Variants in ARHGAP18 observed in about 807,000 individuals in gnomAD.
ARHGAP18 encodes the protein rho GTPase-activating protein 18.
Under a neutral mutation model 86.2 loss-of-function variants are expected in ARHGAP18, and 67 were observed. That is an observed-to-expected ratio of 0.78 (90% CI 0.64 to 0.95). The LOEUF (loss-of-function observed/expected upper bound fraction) is 0.95. ARHGAP18 is among the 40% of genes least tolerant of loss of function. ARHGAP18 has a pLI of 0.00. For synonymous variants in ARHGAP18, 283 were observed against 280.4 expected (o/e 1.01, Z -0.09); for missense variants, 691 against 780.4 (o/e 0.89, Z 1.37).
At chr6:129,665,693 A>T (rs1209924731) in intron 1 of ARHGAP18, among the ~76,000 whole-genome samples, 1 of 152,238 alleles carries the variant, frequency 6.6e-6, no homozygotes, top group Admixed American at 6.5e-5. Context: ...AGAGCAGAAG[A>T]GGTTAAGATC....
At chr6:129,678,706 G>A (rs1269835435) in intron 1 of ARHGAP18, among the ~76,000 whole-genome samples, 16 of 152,090 alleles carry the variant, frequency 1.1e-4, no homozygotes, top group Admixed American at 1.0e-3. Context: ...TAATTTATCT[G>A]GAGTGTGATC....
chr6:129,587,406 A>G (rs1290363794), intron 12 of ARHGAP18, among the ~76,000 whole-genome samples: 1 of 152,208 alleles, frequency 6.6e-6, no homozygotes, highest in Non-Finnish European at 1.5e-5. Context: ...TTGGGGATGT[A>G]GTCTCTTTTC....
chr6:129,641,783 A>G (rs1773469409), intron 2 of ARHGAP18, 33 bp downstream of exon 2: 2 of 1,579,912 alleles, frequency 1.3e-6, no homozygotes, highest in Non-Finnish European at 1.7e-6. Context: ...ATACATATAC[A>G]AACAACAAAA....
intron 1 of ARHGAP18, among the ~76,000 whole-genome samples, chr6:129,676,912 CCT>C (rs1202993538): frequency 9.6e-5 from 10 of 103,868 alleles, no homozygotes; most frequent in African/African-American, 2.2e-4. Flanking sequence ...AATTTTTTGT[CCT>C]CTTTTTTTTT....
chr6:129,687,078 C>T (rs1774442399), intron 1 of ARHGAP18, among the ~76,000 whole-genome samples: 1 of 150,548 alleles, frequency 6.6e-6, no homozygotes, highest in African/African-American at 2.4e-5. Context: ...CACAACTCAG[C>T]CTCCGAAAGC....
At chr6:129,630,434 A>C (rs72984748) in intron 4 of ARHGAP18, among the ~76,000 whole-genome samples, 2 of 152,198 alleles carry the variant, frequency 1.3e-5, no homozygotes, top group Non-Finnish European at 2.9e-5. Context: ...CCTTTGAATC[A>C]TAGTAAGAAG....
At chr6:129,578,749 A>G (rs1788229945) in intron 14 of ARHGAP18, 145 bp from the exon 15 acceptor site, 2 of 542,332 alleles carry the variant, frequency 3.7e-6, no homozygotes, top group Non-Finnish European at 6.2e-6. Context: ...AGATTGGTTG[A>G]GATCAGGAGT....
chr6:129,624,332 C>G, intron 5 of ARHGAP18, among the ~76,000 whole-genome samples: 1 of 150,788 alleles, frequency 6.6e-6, no homozygotes, highest in East Asian at 2.0e-4. Flanking sequence ...AGTTCGAGAC[C>G]AGCCTGGCCA....
intron 5 of ARHGAP18, among the ~76,000 whole-genome samples, chr6:129,625,037 TTATATAA>T (rs1282364729): frequency 3.4e-5 from 2 of 58,408 alleles, no homozygotes; most frequent in African/African-American, 1.2e-4. Context: ...TGATATATAT[TTATATAA>T]TATATATGAT....
chr6:129,615,789 G>C (rs888928669), intron 7 of ARHGAP18, among the ~76,000 whole-genome samples: 1 of 152,072 alleles, frequency 6.6e-6, no homozygotes, highest in African/African-American at 2.4e-5. Context: ...TCTACTTTAT[G>C]GTTTCTTTGC....
chr6:129,645,540 T>C (rs1773560640), intron 1 of ARHGAP18, among the ~76,000 whole-genome samples: 1 of 152,132 alleles, frequency 6.6e-6, no homozygotes, highest in Admixed American at 6.5e-5. Context: ...AAGCAATTAT[T>C]CCAAGTTCCT....
chr6:129,709,183 AG>A (rs1302644054), intron 1 of ARHGAP18, among the ~76,000 whole-genome samples: 1 of 152,178 alleles, frequency 6.6e-6, no homozygotes, highest in Admixed American at 6.5e-5. Context: ...CTAGGCTATT[AG>A]GTTAGTATTT....
chr6:129,610,963 G>A (rs1297043401), intron 8 of ARHGAP18, among the ~76,000 whole-genome samples: 1 of 152,096 alleles, frequency 6.6e-6, no homozygotes, highest in East Asian at 1.9e-4. Flanking sequence ...GTGGGACAAT[G>A]ACAGCTCACT....
Position 129,620,233 on chromosome 6 carries a change from T to C in ARHGAP18, c.787-1381A>G, listed in dbSNP as rs143196756. Among the ~76,000 whole-genome samples, 670 of 152,368 alleles carry C rather than the reference T, an allele frequency of 4.4e-3. 1 individual carries two copies. Among genetic ancestry groups the C allele is most frequent in the Non-Finnish European group, 5.7e-3 (388 of 68,022 alleles). ...ATAGCCTGAAGGCAATTTTACAAAA[T>C]ATTTTAACTAATTTGAATGAAACTA... On this transcript the variant is annotated intron_variant, in intron 5 of 14. Transcript: ENST00000368149.
chr6:129,584,162 G>A (rs1788345286), intron 12 of ARHGAP18, 50 bp from the exon 13 acceptor site: 2 of 1,609,448 alleles, frequency 1.2e-6, no homozygotes, highest in Admixed American at 1.7e-5. Context: ...GCTGGAACGT[G>A]TAACTCTACA....
chr6:129,662,099 A>C (rs993140683), intron 1 of ARHGAP18: 1 of 161,576 alleles, frequency 6.2e-6, no homozygotes, highest in African/African-American at 2.4e-5. Context: ...CCAAATGATT[A>C]AAAACCATTG....
intron 12 of ARHGAP18, among the ~76,000 whole-genome samples, chr6:129,585,274 C>T (rs1584021713): frequency 6.6e-6 from 1 of 151,578 alleles, no homozygotes; most frequent in East Asian, 1.9e-4. Context: ...CAGAGTGAGA[C>T]TCCATCTCAA....
intron 1 of ARHGAP18, among the ~76,000 whole-genome samples, chr6:129,650,077 TAA>T (rs1773676844): frequency 8.4e-6 from 1 of 118,700 alleles, no homozygotes; most frequent in South Asian, 2.7e-4. Flanking sequence ...CACACCTGGC[TAA>T]TTTTTTTTTT....
intron 1 of ARHGAP18, among the ~76,000 whole-genome samples, chr6:129,668,966 G>A (rs1325054307): frequency 6.6e-6 from 1 of 152,150 alleles, no homozygotes; most frequent in Non-Finnish European, 1.5e-5. Context: ...TAAAATGAAA[G>A]AACAATACCT....
Sources: gnomAD v4.1 joint callset for allele counts (sites outside exome capture counted in the v4.1 genomes callset) on GRCh38, gnomAD v4.1.1 for gene constraint, MANE v1.5 for transcripts, NCBI Gene and HGNC (gene_info 2026-07-23, HGNC 2026-07-21) for gene names.